MTMR3: variants seen among roughly 807,000 people sequenced by gnomAD.
The protein encoded by MTMR3 is myotubularin related protein 3.
In MTMR3, 32 loss-of-function variants were observed where a neutral mutation model predicts 132.4. The ratio of observed to expected loss-of-function variants is 0.24; its 90% confidence interval spans 0.18 to 0.32. The LOEUF is 0.32. Ranked by LOEUF, MTMR3 falls within the 10% of genes least tolerant of loss-of-function variation. MTMR3 has a pLI of 1.00. For missense variants in MTMR3, 1,216 were observed against 1,489.6 expected (o/e 0.82, Z 3.02); for synonymous variants, 556 against 550.3 (o/e 1.01, Z -0.14).
chr22:29,938,501 A>C (rs2065794392), intron 1 of MTMR3, among the ~76,000 whole-genome samples: 1 of 152,192 alleles, frequency 6.6e-6, no homozygotes, highest in South Asian at 2.1e-4. Context: ...ACCTTTCCAA[A>C]ATCTGAGTGT....
chr22:29,989,937 A>G (rs2066927962), intron 6 of MTMR3: 2 of 152,254 alleles, frequency 1.3e-5, no homozygotes, highest in Admixed American at 6.5e-5. Context: ...GCGCTTAACT[A>G]TAATGGTTGC....
intron 15 of MTMR3, chr22:30,017,709 C>G: frequency 4.0e-6 from 2 of 505,122 alleles, no homozygotes; most frequent in Admixed American, 4.3e-5. Flanking sequence ...TTCATGCTCT[C>G]AAGTGGCTCT....
intron 5 of MTMR3, chr22:29,981,864 G>A (rs141459600): frequency 3.4e-4 from 51 of 147,982 alleles, no homozygotes; most frequent in African/African-American, 1.2e-3. Context: ...TAATGGCTTT[G>A]TACAGAAAAA....
At chr22:29,969,720 T>TG (rs1206231428) in intron 2 of MTMR3, among the ~76,000 whole-genome samples, 2 of 152,140 alleles carry the variant, frequency 1.3e-5, no homozygotes, top group Non-Finnish European at 1.5e-5. Flanking sequence ...TTAGTAGAGA[T>TG]GGGGTTTCAC....
intron 17 of MTMR3, 56 bp from the exon 18 acceptor site, chr22:30,021,970 TTTC>T: frequency 2.8e-6 from 4 of 1,409,012 alleles, no homozygotes; most frequent in Non-Finnish European, 4.0e-6. Context: ...CACCAGGCCT[TTTC>T]TTCTTTTGGG....
chr22:30,024,708 T>TA (rs966809301), intron 19 of MTMR3: 2 of 152,222 alleles, frequency 1.3e-5, no homozygotes, highest in African/African-American at 2.4e-5. Flanking sequence ...TTCTTGTTCT[T>TA]AGGCTCATTA....
At chr22:29,982,744 C>G (rs935961847) in intron 5 of MTMR3, 2 of 152,308 alleles carry the variant, frequency 1.3e-5, no homozygotes, top group South Asian at 2.1e-4. Flanking sequence ...TTCACACATT[C>G]ACTGAATATC....
intron 13 of MTMR3, 59 bp downstream of exon 13, chr22:30,012,622 G>A (rs533828288): frequency 2.7e-6 from 4 of 1,486,668 alleles, no homozygotes; most frequent in South Asian, 2.7e-5. Flanking sequence ...AAACGTCTCA[G>A]GAGTGATACC....
chr22:30,017,954 A>C lies in MTMR3; in HGVS notation c.1702A>C (p.Asn568His). 1 of 1,613,756 alleles carries C rather than the reference A, an allele frequency of 6.2e-7. No homozygotes were observed. The highest frequency in any genetic ancestry group is 8.5e-7 in the Non-Finnish European group (1 of 1,179,878). Residue 568 changes from asparagine (N) to histidine (H), a missense_variant, in exon 16 of 20, where the codon AAC (asparagine) becomes CAC (histidine). Physicochemically the swap from Asn to His is moderately conservative, Grantham distance 68. Transcript: ENST00000401950. ...AVLYPVCHVR[N>H]LMLWSAVYLP... Reference sequence around the variant, plus strand: ...GCTGTACCCTGTGTGCCATGTGCGTAACCTGATGCTGTGGAGTGCAGTGTA... The same window carrying C: ...GCTGTACCCTGTGTGCCATGTGCGTCACCTGATGCTGTGGAGTGCAGTGTA...
Position 30,030,389 on chromosome 22 carries a change from T to C in MTMR3, c.*4588T>C, listed in dbSNP as rs2067990264. Reference sequence around the variant, plus strand: ...CATAACCCATGAGGCTCAGATGCTGTTGAAGAAATAAATGGTATGTTGCTG... The same window carrying C: ...CATAACCCATGAGGCTCAGATGCTGCTGAAGAAATAAATGGTATGTTGCTG... On this transcript the variant is annotated 3_prime_UTR_variant, in exon 20 of 20. Transcript: ENST00000401950. 1 of 152,172 alleles carries C rather than the reference T, an allele frequency of 6.6e-6. No homozygotes were observed. The highest frequency in any genetic ancestry group is 1.5e-5 in the Non-Finnish European group (1 of 68,006). 9.4% of individuals were successfully genotyped at this position (152,172 alleles called of 1,614,324 possible).
chr22:29,916,452 A>G (rs988585727), intron 1 of MTMR3, among the ~76,000 whole-genome samples: 4 of 152,174 alleles, frequency 2.6e-5, no homozygotes, highest in African/African-American at 9.7e-5. Flanking sequence ...CCCTCCCTAG[A>G]TTCTCAGTTT....
intron 1 of MTMR3, among the ~76,000 whole-genome samples, chr22:29,950,242 G>A (rs548976515): frequency 6.6e-6 from 1 of 152,262 alleles, no homozygotes; most frequent in East Asian, 1.9e-4. Flanking sequence ...TCTAATGCTT[G>A]AATGTCTGGA....
At chr22:29,946,124 A>G (rs1053963595) in intron 1 of MTMR3, among the ~76,000 whole-genome samples, 1 of 152,140 alleles carries the variant, frequency 6.6e-6, no homozygotes, top group African/African-American at 2.4e-5. Context: ...ATAACATGCA[A>G]TGGAAAGATG....
intron 1 of MTMR3, among the ~76,000 whole-genome samples, chr22:29,935,714 A>G (rs1194660498): frequency 6.7e-6 from 1 of 149,092 alleles, no homozygotes; most frequent in African/African-American, 2.5e-5. Context: ...TTACTGTCTG[A>G]TTGAATGATC....
rs538436006 is a variant in MTMR3, at chr22:29,971,091, A to G, written c.3+29A>G. ...AGTACAAGGAAATAAGAGTAAAAAAAAAAACAAAAAACCCTGTGTCCTGAC... is the reference window on the plus strand; with the variant it reads ...AGTACAAGGAAATAAGAGTAAAAAAGAAAACAAAAAACCCTGTGTCCTGAC... On this transcript the variant is annotated intron_variant, in intron 3 of 19. Transcript: ENST00000401950. 22 of 1,583,682 alleles carry G rather than the reference A, an allele frequency of 1.4e-5. No individual in the cohort carries two copies. In the South Asian group the frequency reaches 2.6e-4, roughly 19 times the overall value.
intron 1 of MTMR3, among the ~76,000 whole-genome samples, chr22:29,941,219 G>A (rs1007459467): frequency 1.3e-5 from 2 of 152,104 alleles, no homozygotes; most frequent in Admixed American, 6.5e-5. Context: ...GACTTATCCA[G>A]GTTGTATCAG....
At chr22:29,955,945 T>C (rs2066180728) in intron 1 of MTMR3, among the ~76,000 whole-genome samples, 1 of 151,830 alleles carries the variant, frequency 6.6e-6, no homozygotes, top group African/African-American at 2.4e-5. Flanking sequence ...AGAGCTGGGG[T>C]TTCGCTGTGT....
chr22:29,991,848 G>C, intron 7 of MTMR3, 178 bp downstream of exon 7: 1 of 583,060 alleles, frequency 1.7e-6, no homozygotes, highest in Non-Finnish European at 2.7e-6. Flanking sequence ...TCTGCCTTCC[G>C]GGGAAGGGAA....
chr22:29,977,111 C>T (rs2066644159), intron 3 of MTMR3, among the ~76,000 whole-genome samples: 4 of 151,836 alleles, frequency 2.6e-5, no homozygotes, highest in Admixed American at 6.6e-5. Flanking sequence ...GACAACATAA[C>T]GAGACCTTGT....
Sources: allele counts gnomAD v4.1 joint callset (sites outside exome capture counted in the v4.1 genomes callset), GRCh38; gene constraint gnomAD v4.1.1; transcripts MANE v1.5; gene names NCBI Gene and HGNC (gene_info 2026-07-23, HGNC 2026-07-21).